The following ZC3H12B variants were observed in gnomAD, a reference collection of about 807,000 sequenced individuals.
The protein encoded by ZC3H12B is zinc finger CCCH-type containing 12B.
Under a neutral mutation model 43.9 loss-of-function variants are expected in ZC3H12B, and 7 were observed. The observed-to-expected ratio is 0.16, with a 90% CI of 0.09 to 0.30. The LOEUF (loss-of-function observed/expected upper bound fraction) is 0.30, where lower values mean the gene tolerates loss of function less well. Among genes scored for constraint, ZC3H12B ranks in the 10% least tolerant of loss-of-function variants. The pLI is 1.00. For synonymous variants in ZC3H12B, 222 were observed against 241.7 expected (o/e 0.92, Z 0.76); for missense variants, 475 against 670.2 (o/e 0.71, Z 3.22).
chrX:65,176,719 AC>A, the ZC3H12B span, among the ~76,000 whole-genome samples: 3 of 111,964 alleles, frequency 2.7e-5, no homozygotes, highest in Middle Eastern at 4.2e-3. Flanking sequence ...CCCTCCCAAG[AC>A]TAAACCAGGA....
intron 3 of ZC3H12B, among the ~76,000 whole-genome samples, chrX:65,411,999 T>C (rs986127014): frequency 1.8e-5 from 2 of 111,314 alleles, no homozygotes; most frequent in Non-Finnish European, 3.8e-5. Context: ...AGGTGAAATC[T>C]AGATAATATA....
the ZC3H12B span, among the ~76,000 whole-genome samples, chrX:65,068,617 A>G: frequency 8.9e-6 from 1 of 111,845 alleles, no homozygotes; most frequent in Non-Finnish European, 1.9e-5. Flanking sequence ...CGATTTGTTC[A>G]TCGTTCATTC....
chrX:65,035,006 C>G, the ZC3H12B span, among the ~76,000 whole-genome samples: 3 of 112,506 alleles, frequency 2.7e-5, no homozygotes, highest in Admixed American at 1.8e-4. Flanking sequence ...CCAGGAGGGT[C>G]CGGGCCGCTG....
chrX:65,254,840 A>T, the ZC3H12B span, among the ~76,000 whole-genome samples: 3 of 111,348 alleles, frequency 2.7e-5, no homozygotes. Context: ...GAGATAAAAG[A>T]TGAAATGACC....
At chrX:65,372,444 G>A (rs2066257903) in intron 2 of ZC3H12B, among the ~76,000 whole-genome samples, 1 of 108,467 alleles carries the variant, frequency 9.2e-6, no homozygotes, top group African/African-American at 3.4e-5. Context: ...TTTAAGAAAG[G>A]AGGGAGGGAA....
At chrX:65,052,425 AT>A in the ZC3H12B span, among the ~76,000 whole-genome samples, 10 of 108,665 alleles carry the variant, frequency 9.2e-5, no homozygotes, top group East Asian at 2.9e-4. Flanking sequence ...CGTTCTTTTT[AT>A]TTTTTTTTGT....
intron 2 of ZC3H12B, among the ~76,000 whole-genome samples, chrX:65,379,749 G>A (rs977277309): frequency 8.9e-6 from 1 of 112,109 alleles, no homozygotes; most frequent in African/African-American, 3.2e-5. Context: ...AACCAATACA[G>A]CGAAGTGCTT....
the ZC3H12B span, among the ~76,000 whole-genome samples, chrX:65,067,982 C>A: frequency 9.1e-6 from 1 of 110,003 alleles, no homozygotes; most frequent in African/African-American, 3.3e-5. Context: ...TTCTTAATTT[C>A]TTCATTGACC....
At chrX:65,189,493 A>G in the ZC3H12B span, among the ~76,000 whole-genome samples, 4 of 108,136 alleles carry the variant, frequency 3.7e-5, no homozygotes, top group African/African-American at 1.0e-4. Context: ...GCCATTCTAA[A>G]TGGTGTGAGA....
the ZC3H12B span, among the ~76,000 whole-genome samples, chrX:65,199,411 T>C: frequency 9.0e-6 from 1 of 110,677 alleles, no homozygotes; most frequent in Non-Finnish European, 1.9e-5. Flanking sequence ...TTGAATTTCA[T>C]TGAGTTTCCT....
chrX:65,364,395 G>T (rs1190758210), upstream of ZC3H12B, among the ~76,000 whole-genome samples: 4 of 105,584 alleles, frequency 3.8e-5, no homozygotes, highest in African/African-American at 1.4e-4. Flanking sequence ...CTCTTCTCAA[G>T]GTAGCTTTAC....
the ZC3H12B span, among the ~76,000 whole-genome samples, chrX:65,359,064 A>G: frequency 1.8e-5 from 2 of 111,474 alleles, no homozygotes; most frequent in Admixed American, 1.9e-4. Flanking sequence ...TTCTCTATAA[A>G]TGGAACAACC....
intron 3 of ZC3H12B, among the ~76,000 whole-genome samples, chrX:65,466,915 A>AATATATATATATAT (rs58150008): frequency 3.3e-4 from 8 of 23,941 alleles, no homozygotes; most frequent in Non-Finnish European, 9.5e-4. Flanking sequence ...TATAAAACCA[A>AATATATATATATAT]ATATATATAT....
chrX:65,318,607 A>G, the ZC3H12B span, among the ~76,000 whole-genome samples: 2 of 110,520 alleles, frequency 1.8e-5, no homozygotes, highest in African/African-American at 6.6e-5. Flanking sequence ...TTTAGTACAG[A>G]TGGGGTTTCA....
the ZC3H12B span, among the ~76,000 whole-genome samples, chrX:65,345,077 G>A: frequency 8.9e-6 from 1 of 112,220 alleles, no homozygotes; most frequent in Non-Finnish European, 1.9e-5. Context: ...CAGAGGAAAA[G>A]GAACAAGTGT....
At chrX:65,161,762 A>C in the ZC3H12B span, among the ~76,000 whole-genome samples, 1 of 111,876 alleles carries the variant, frequency 8.9e-6, no homozygotes, top group Non-Finnish European at 1.9e-5. Flanking sequence ...GTCCATTTAC[A>C]TTTAAGGTTA....
the ZC3H12B span, among the ~76,000 whole-genome samples, chrX:65,199,550 G>C: frequency 9.1e-6 from 1 of 109,994 alleles, no homozygotes; most frequent in Non-Finnish European, 1.9e-5. Context: ...CATCACCTAA[G>C]CATTAAGTCC....
At chrX:65,366,377 T>G (rs891375349), upstream of ZC3H12B, among the ~76,000 whole-genome samples, 2 of 111,989 alleles carry the variant, frequency 1.8e-5, no homozygotes, top group Non-Finnish European at 3.8e-5. Context: ...TTATGAATTT[T>G]AGAAAATTCT....
chrX:65,211,674 T>C, the ZC3H12B span, among the ~76,000 whole-genome samples: 1 of 89,730 alleles, frequency 1.1e-5, no homozygotes, highest in African/African-American at 4.1e-5. Flanking sequence ...ATATATATTA[T>C]ATAATTATAT....
Sources: allele counts gnomAD v4.1 joint callset (sites outside exome capture counted in the v4.1 genomes callset), GRCh38; gene constraint gnomAD v4.1.1; transcripts MANE v1.5; gene names NCBI Gene and HGNC (gene_info 2026-07-23, HGNC 2026-07-21).